TMTC1: variants seen among roughly 807,000 people sequenced by gnomAD.
TMTC1 encodes the protein transmembrane O-mannosyltransferase targeting cadherins 1, also known as protein O-mannosyl-transferase TMTC1.
A neutral mutation model predicts 104.8 loss-of-function variants in TMTC1; 73 were observed. That is an observed-to-expected ratio of 0.70 (90% CI 0.58 to 0.85). The LOEUF (loss-of-function observed/expected upper bound fraction) is 0.85. TMTC1 is among the 40% of genes least tolerant of loss of function. The pLI, the probability that TMTC1 is intolerant of heterozygous loss-of-function variation, is 0.00. For missense variants in TMTC1, 1,035 were observed against 1,096.1 expected (o/e 0.94, Z 0.79); for synonymous variants, 434 against 428.7 (o/e 1.01, Z -0.15).
intron 6 of TMTC1, among the ~76,000 whole-genome samples, chr12:29,622,000 G>A (rs1340508584): frequency 6.6e-6 from 1 of 152,054 alleles, no homozygotes; most frequent in Non-Finnish European, 1.5e-5. Context: ...CCTGTGATTT[G>A]TGTTGGTTGC....
chr12:29,647,771 A>G (rs2136584021), intron 5 of TMTC1, among the ~76,000 whole-genome samples: 1 of 152,340 alleles, frequency 6.6e-6, no homozygotes, highest in East Asian at 1.9e-4. Flanking sequence ...AATCTCATGA[A>G]AAAATATGAT....
intron 5 of TMTC1, among the ~76,000 whole-genome samples, chr12:29,689,562 C>T (rs1941202274): frequency 6.6e-6 from 1 of 152,182 alleles, no homozygotes; most frequent in African/African-American, 2.4e-5. Flanking sequence ...ATCTGTCCGT[C>T]TCAGGCCCTG....
chr12:29,542,716 C>T (rs1944835867), intron 10 of TMTC1, among the ~76,000 whole-genome samples: 1 of 151,970 alleles, frequency 6.6e-6, no homozygotes, highest in Admixed American at 6.6e-5. Flanking sequence ...GCTAAAAAGA[C>T]AGGATAAAGA....
chr12:29,728,572 T>A (rs1362205571), intron 5 of TMTC1, among the ~76,000 whole-genome samples: 3 of 152,020 alleles, frequency 2.0e-5, no homozygotes, highest in African/African-American at 7.2e-5. Flanking sequence ...AAGTCCTCTA[T>A]CCCTCGTCAC....
Position 29,514,619 on chromosome 12 carries a change from A to G in TMTC1, c.2308-15T>C. 6.3e-7 allele frequency: 1 copy of G among 1,598,696 alleles called. No homozygotes were observed. The highest frequency in any genetic ancestry group is 8.5e-7 in the Non-Finnish European group (1 of 1,176,072). On this transcript the variant is annotated splice_polypyrimidine_tract_variant and intron_variant, in intron 15 of 17. Coordinates refer to ENST00000539277, the MANE Select transcript of TMTC1 (RefSeq NM_001193451.2). ...GCATCAAGTGCCTGCAGAGGTTGGAAATTAAGACAGAATAAATGCAGATTA... is the reference window on the plus strand; with the variant it reads ...GCATCAAGTGCCTGCAGAGGTTGGAGATTAAGACAGAATAAATGCAGATTA...
intron 11 of TMTC1, among the ~76,000 whole-genome samples, chr12:29,532,307 C>T (rs894759326): frequency 6.6e-6 from 1 of 151,880 alleles, no homozygotes; most frequent in Non-Finnish European, 1.5e-5. Flanking sequence ...TTTGGTAACA[C>T]GTCTCAAGAC....
chr12:29,744,577 A>C (rs1216981784), intron 5 of TMTC1, among the ~76,000 whole-genome samples: 1 of 152,236 alleles, frequency 6.6e-6, no homozygotes, highest in Non-Finnish European at 1.5e-5. Flanking sequence ...TGGAGTTCCA[A>C]GAAGCTTTCA....
chr12:29,644,145 GTGTGTATATATA>G (rs759898874), intron 5 of TMTC1, among the ~76,000 whole-genome samples: 8,587 of 76,886 alleles, frequency 0.11, 634 homozygotes, highest in Non-Finnish European at 0.17. Flanking sequence ...GTGTGTGTGT[GTGTGTATATATA>G]TATATAATGA....
chr12:29,740,555 C>T (rs1472385865), intron 5 of TMTC1, among the ~76,000 whole-genome samples: 1 of 152,108 alleles, frequency 6.6e-6, no homozygotes, highest in Non-Finnish European at 1.5e-5. Context: ...TATTGTGGGA[C>T]CTTGTGATCA....
intron 5 of TMTC1, among the ~76,000 whole-genome samples, chr12:29,750,885 C>T (rs942895112): frequency 6.6e-6 from 1 of 152,212 alleles, no homozygotes; most frequent in Non-Finnish European, 1.5e-5. Context: ...TACTACTCCC[C>T]TTTAACCAAT....
chr12:29,703,763 T>C (rs1005367062), intron 5 of TMTC1, among the ~76,000 whole-genome samples: 2 of 152,256 alleles, frequency 1.3e-5, no homozygotes, highest in South Asian at 2.1e-4. Flanking sequence ...TAAACTTTCA[T>C]GACTCACTCA....
intron 5 of TMTC1, chr12:29,660,892 C>T (rs949734981): frequency 1.8e-5 from 27 of 1,478,370 alleles, no homozygotes; most frequent in African/African-American, 1.1e-4. Context: ...ATACCTAAAA[C>T]GGGAAAGAAA....
chr12:29,649,858 G>C (rs191426415), intron 5 of TMTC1, among the ~76,000 whole-genome samples: 2,286 of 152,192 alleles, frequency 0.015, 54 homozygotes, highest in African/African-American at 0.053. Context: ...AAGGCTTAAC[G>C]TTTTCTAAGG....
chr12:29,622,886 A>G (rs1025377206), intron 6 of TMTC1, among the ~76,000 whole-genome samples: 6 of 152,206 alleles, frequency 3.9e-5, no homozygotes, highest in African/African-American at 1.4e-4. Flanking sequence ...TAAATAATAA[A>G]CTACTCCATG....
intron 9 of TMTC1, among the ~76,000 whole-genome samples, chr12:29,567,914 G>T (rs1945562035): frequency 6.6e-6 from 1 of 152,150 alleles, no homozygotes; most frequent in Admixed American, 6.5e-5. Context: ...CAAGACATCA[G>T]CAAACATTGG....
At chr12:29,584,774 A>C (rs1243420767) in intron 7 of TMTC1, among the ~76,000 whole-genome samples, 3 of 151,350 alleles carry the variant, frequency 2.0e-5, no homozygotes, top group East Asian at 1.9e-4. Context: ...TGAACTCATC[A>C]TTTTTTATGG....
intron 5 of TMTC1, among the ~76,000 whole-genome samples, chr12:29,678,081 T>G (rs1451434942): frequency 6.6e-6 from 1 of 152,238 alleles, no homozygotes; most frequent in East Asian, 1.9e-4. Context: ...TTTAATAAAC[T>G]AATATTTCTG....
intron 5 of TMTC1, among the ~76,000 whole-genome samples, chr12:29,664,233 A>G (rs1940184736): frequency 1.3e-5 from 2 of 151,300 alleles, no homozygotes; most frequent in Admixed American, 1.3e-4. Flanking sequence ...TAAAAAAAAT[A>G]AAATAAAATA....
intron 8 of TMTC1, among the ~76,000 whole-genome samples, chr12:29,574,714 G>A (rs780246433): frequency 1.3e-5 from 2 of 152,090 alleles, no homozygotes; most frequent in Non-Finnish European, 2.9e-5. Context: ...TGTTTTATAC[G>A]GGCACCACCC....
Sources: allele counts gnomAD v4.1 joint callset (sites outside exome capture counted in the v4.1 genomes callset), GRCh38; gene constraint gnomAD v4.1.1; transcripts MANE v1.5; gene names NCBI Gene and HGNC (gene_info 2026-07-23, HGNC 2026-07-21).